The following PDGFRA variants were observed in gnomAD, a reference collection of about 807,000 sequenced individuals.
PDGFRA encodes platelet derived growth factor receptor alpha.
A neutral mutation model predicts 121.5 loss-of-function variants in PDGFRA; 25 were observed. The observed-to-expected ratio is 0.21, with a 90% CI of 0.15 to 0.29. The LOEUF (loss-of-function observed/expected upper bound fraction) is 0.29. Among genes scored for constraint, PDGFRA ranks in the 10% least tolerant of loss-of-function variants. The pLI is 1.00. For synonymous variants in PDGFRA, 463 were observed against 494.8 expected (o/e 0.94, Z 0.85); for missense variants, 1,008 against 1,345.1 (o/e 0.75, Z 3.92).
At chr4:54,232,750 A>C (rs1720756090) in intron 1 of PDGFRA, among the ~76,000 whole-genome samples, 1 of 152,102 alleles carries the variant, frequency 6.6e-6, no homozygotes, top group African/African-American at 2.4e-5. Context: ...ACGCCAGGCT[A>C]ATTTTTGTAT....
rs55710909 is a variant in PDGFRA at position 54,296,409 on chromosome 4, G to C, written c.*1137G>C. 2 of 204,458 alleles carry C rather than the reference G, an allele frequency of 9.8e-6. No individual in the cohort carries two copies. Among genetic ancestry groups the C allele is most frequent in the Non-Finnish European group, 2.0e-5 (2 of 101,930 alleles). 12.7% of individuals were successfully genotyped at this position (204,458 alleles called of 1,614,324 possible). A position where few individuals can be genotyped will look rare whatever the true frequency, so the allele number is the denominator to read the frequency against. On this transcript the variant is annotated 3_prime_UTR_variant, in exon 23 of 23. Coordinates refer to ENST00000257290, the MANE Select transcript of PDGFRA (RefSeq NM_006206.6). Reference sequence around the variant, plus strand: ...CTTCATGCCTGATGAAAGCTTTGGCGACCCCAATATATGTATTTTTTGAAT... The same window carrying C: ...CTTCATGCCTGATGAAAGCTTTGGCCACCCCAATATATGTATTTTTTGAAT...
chr4:54,290,236 A>G, intron 21 of PDGFRA, 77 bp from the exon 22 acceptor site: 1 of 1,174,026 alleles, frequency 8.5e-7, no homozygotes, highest in Non-Finnish European at 1.3e-6. Context: ...AAATAATAGT[A>G]AGTTCTGAGT....
chr4:54,235,042 A>G (rs1720935587), intron 1 of PDGFRA, among the ~76,000 whole-genome samples: 1 of 152,174 alleles, frequency 6.6e-6, no homozygotes, highest in Non-Finnish European at 1.5e-5. Context: ...GTCCTGGTAA[A>G]CACACCCTCT....
chr4:54,275,984 C>T (rs1163385355), intron 12 of PDGFRA, among the ~76,000 whole-genome samples: 1 of 152,156 alleles, frequency 6.6e-6, no homozygotes, highest in African/African-American at 2.4e-5. Context: ...GCGGGACTAA[C>T]GAATTAGCTA....
At position 54,278,395 on chromosome 4, in the gene PDGFRA, A is replaced by G. The variant is rs772617321; in HGVS notation, c.2036A>G (p.Tyr679Cys). 13 of 1,613,548 alleles carry G rather than the reference A, an allele frequency of 8.1e-6. No individual in the cohort carries two copies. The highest frequency in any genetic ancestry group is 1.1e-5 in the Non-Finnish European group (13 of 1,179,782). The change falls in exon 15 of 23, where the codon TAT (tyrosine) becomes TGT (cysteine). Residue 679 changes from tyrosine (Y) to cysteine (C), a missense_variant. By Grantham distance (194) the Tyr-to-Cys change is radical (BLOSUM62 -2). Transcript: ENST00000257290. The part of the protein sequence containing the change: ...PIYIITEYCF[Y>C]GDLVNYLHKN... ...TACATCATCACAGAGTATTGCTTCTATGGAGATTTGGTCAACTATTTGCAT... is the reference window on the plus strand; with the variant it reads ...TACATCATCACAGAGTATTGCTTCTGTGGAGATTTGGTCAACTATTTGCAT...
Position 54,290,294 on chromosome 4 carries a change from G to A in PDGFRA, c.2881-19G>A. On this transcript the variant is annotated intron_variant, in intron 21 of 22. Transcript: ENST00000257290. Reference sequence around the variant, plus strand: ...TGGTTGTTAACACTTGATTAAATATGTTCAATGAATGTTTATAGAGTTATG... The same window carrying A: ...TGGTTGTTAACACTTGATTAAATATATTCAATGAATGTTTATAGAGTTATG... 6.3e-7 allele frequency: 1 copy of A among 1,594,830 alleles called. No homozygotes were observed. Among genetic ancestry groups the A allele is most frequent in the Non-Finnish European group, 8.6e-7 (1 of 1,162,628 alleles).
chr4:54,233,540 C>G (rs1281279962), intron 1 of PDGFRA, among the ~76,000 whole-genome samples: 2 of 152,244 alleles, frequency 1.3e-5, no homozygotes, highest in Admixed American at 1.3e-4. Context: ...CTCAGTGGAG[C>G]GCAGCGCTGG....
At chr4:54,267,786 C>A in intron 7 of PDGFRA, 45 bp downstream of exon 7, 1 of 1,510,728 alleles carries the variant, frequency 6.6e-7, no homozygotes, top group Non-Finnish European at 9.2e-7. Flanking sequence ...TAGTGTGCAT[C>A]AGAGGCGGAC....
intron 5 of PDGFRA, among the ~76,000 whole-genome samples, chr4:54,265,606 C>T (rs948942251): frequency 6.6e-6 from 1 of 152,128 alleles, no homozygotes; most frequent in Non-Finnish European, 1.5e-5. Flanking sequence ...ATGAAGTTTG[C>T]TCAATCCCAA....
intron 1 of PDGFRA, among the ~76,000 whole-genome samples, chr4:54,253,838 C>G (rs1273718296): frequency 6.6e-6 from 1 of 152,072 alleles, no homozygotes; most frequent in Non-Finnish European, 1.5e-5. Flanking sequence ...GAGTGTGCCA[C>G]CATGCCCGGC....
In PDGFRA at chr4:54,280,452, C is replaced by A. The variant is rs1325295795; in HGVS notation, c.2293C>A (p.Pro765Thr). ...CATCCAGAGATCACTCTATGATCGT[C>A]CAGCCTCATATAAGAAGAAATCTAT... is the stretch of plus-strand genomic sequence containing the variant. Reference protein sequence around the residue: ...SDIQRSLYDRPASYKKKSMLD... With the variant: ...SDIQRSLYDRTASYKKKSMLD... Residue 765 changes from proline (P) to threonine (T), a missense_variant, in exon 16 of 23, where the codon CCA (proline) becomes ACA (threonine). By Grantham distance (38) the Pro-to-Thr change is conservative (BLOSUM62 -1). Around this residue, in one of 5 missense-constraint regions of PDGFRA, gnomAD observed 128 missense variants for 147.6 expected, o/e 0.87. Transcript: ENST00000257290. 2 of 1,613,752 alleles carry A rather than the reference C, an allele frequency of 1.2e-6. No homozygotes were observed. The highest frequency in any genetic ancestry group is 1.7e-6 in the Non-Finnish European group (2 of 1,179,690).
Position 54,280,450 on chromosome 4 carries a change from G to A in PDGFRA, c.2291G>A (p.Arg764His), listed in dbSNP as rs141047712. Residue 764 changes from arginine (R) to histidine (H), a missense_variant, in exon 16 of 23, where the codon CGT becomes CAT. By Grantham distance (29) the Arg-to-His change is conservative. Transcript: ENST00000257290. Reference sequence around the variant, plus strand: ...GACATCCAGAGATCACTCTATGATCGTCCAGCCTCATATAAGAAGAAATCT... The same window carrying A: ...GACATCCAGAGATCACTCTATGATCATCCAGCCTCATATAAGAAGAAATCT... The part of the protein sequence containing the change: ...YSDIQRSLYD[R>H]PASYKKKSML... 170 of 1,613,702 alleles carry A rather than the reference G, an allele frequency of 1.1e-4. No individual in the cohort carries two copies. Among genetic ancestry groups the A allele is most frequent in the Non-Finnish European group, 3.6e-5 (43 of 1,179,646 alleles).
intron 1 of PDGFRA, among the ~76,000 whole-genome samples, chr4:54,238,114 C>T (rs1297098906): frequency 1.3e-5 from 2 of 152,224 alleles, no homozygotes; most frequent in African/African-American, 2.4e-5. Context: ...CCTTCTCTTA[C>T]TTTGTTTTCT....
At chr4:54,264,765 A>C (rs1252325751) in intron 4 of PDGFRA, 154 bp from the exon 5 acceptor site, 2 of 642,300 alleles carry the variant, frequency 3.1e-6, no homozygotes, top group Non-Finnish European at 5.5e-6. Context: ...TCTCACAATC[A>C]AGCCTTGTGA....
intron 7 of PDGFRA, 72 bp downstream of exon 7, chr4:54,267,813 C>T: frequency 7.9e-7 from 1 of 1,273,716 alleles, no homozygotes; most frequent in Non-Finnish European, 1.1e-6. Flanking sequence ...TTGTGTGTGT[C>T]TTACAACCCA....
In PDGFRA at chr4:54,261,164, A is replaced by G. The variant is rs769214355; in HGVS notation, c.119A>G (p.Gln40Arg). 1 of 1,614,166 alleles carries G rather than the reference A, an allele frequency of 6.2e-7. No homozygotes were observed. The highest frequency in any genetic ancestry group is 8.5e-7 in the Non-Finnish European group (1 of 1,179,982). Reference protein sequence around the residue: ...ILPNENEKVVQLNSSFSLRCF... With the variant: ...ILPNENEKVVRLNSSFSLRCF... ...CCAAATGAAAATGAAAAGGTTGTGC[A>G]GCTGAATTCATCCTTTTCTCTGAGA... The change falls in exon 3 of 23, where the codon CAG becomes CGG. Residue 40 changes from glutamine (Q) to arginine (R), a missense_variant. Physicochemically the swap from Gln to Arg is conservative, Grantham distance 43 (BLOSUM62 1). Transcript: ENST00000257290.
rs1060501502 is a variant in PDGFRA at position 54,274,845 on chromosome 4, C to T, written c.1658C>T (p.Pro553Leu). The T allele has an allele frequency of 3.7e-6, 6 of 1,613,930 alleles. No homozygotes were observed. Among genetic ancestry groups the T allele is most frequent in the Admixed American group, 3.3e-5 (2 of 59,986 alleles). Reference sequence around the variant, plus strand: ...ACCTGTCCTGGTCATTTATAGAAACCGAGGTATGAAATTCGCTGGAGGGTC... The same window carrying T: ...ACCTGTCCTGGTCATTTATAGAAACTGAGGTATGAAATTCGCTGGAGGGTC... ...IVLVVIWKQK[P>L]RYEIRWRVIE... Residue 553 changes from proline to leucine, a missense_variant, in exon 12 of 23, where the codon CCG becomes CTG. By Grantham distance (98) the Pro-to-Leu change is moderately conservative. This residue lies in a region of PDGFRA where 575 missense variants were observed against 701.8 expected (regional missense o/e 0.82). Transcript: ENST00000257290.
At position 54,296,828 on chromosome 4, in the gene PDGFRA, G is replaced by A. The variant is rs1437672570; in HGVS notation, c.*1556G>A. On this transcript the variant is annotated 3_prime_UTR_variant, in exon 23 of 23. Coordinates refer to ENST00000257290, the MANE Select transcript of PDGFRA (RefSeq NM_006206.6). ...CTACTATTTAAATCCTTGGCTTCAG[G>A]TTAGTGACATTTAATGCCATCTAGC... 1 of 232,872 alleles carries A rather than the reference G, an allele frequency of 4.3e-6. No homozygotes were observed. The highest frequency in any genetic ancestry group is 2.2e-5 in the African/African-American group (1 of 45,324). The allele number at this position is 232,872 out of a possible 1,614,324, so 14.4% of individuals were successfully genotyped here. A position where few individuals can be genotyped will look rare whatever the true frequency, so the allele number is the denominator to read the frequency against.
At chr4:54,282,822 G>T (rs142508748) in intron 16 of PDGFRA, among the ~76,000 whole-genome samples, 1 of 152,192 alleles carries the variant, frequency 6.6e-6, no homozygotes, top group Non-Finnish European at 1.5e-5. Context: ...ATACAATGGG[G>T]TTATAGGCAT....
Sources: gnomAD v4.1 joint callset for allele counts (sites outside exome capture counted in the v4.1 genomes callset) on GRCh38, gnomAD v4.1.1 for gene constraint, gnomAD v4.1.1 regional missense constraint, MANE v1.5 for transcripts, NCBI Gene and HGNC (gene_info 2026-07-23, HGNC 2026-07-21) for gene names.